The following MPC1 variants were observed in gnomAD, a reference collection of about 807,000 sequenced individuals.
MPC1 encodes the protein mitochondrial pyruvate carrier 1, also known as HSPC040 protein.
Under a neutral mutation model 13.9 loss-of-function variants are expected in MPC1, and 6 were observed. That is an observed-to-expected ratio of 0.43 (90% CI 0.24 to 0.85). The LOEUF is 0.85. Among genes scored for constraint, MPC1 ranks in the 40% least tolerant of loss-of-function variants. The pLI, the probability that MPC1 is intolerant of heterozygous loss-of-function variation, is 0.24. For missense variants in MPC1, 115 were observed against 143.3 expected (o/e 0.80, Z 1.01); for synonymous variants, 47 against 50.5 (o/e 0.93, Z 0.29).
At position 166,382,804 on chromosome 6, in the gene MPC1, A is replaced by C. The variant is rs1457477275; in HGVS notation, c.71+2T>G. 6.3e-7 allele frequency: 1 copy of C among 1,588,236 alleles called. No homozygotes were observed. The highest frequency in any genetic ancestry group is 2.4e-5 in the East Asian group (1 of 42,352). ...CGGGGTTCGGCCTGCGGCGCTCGTC[A>C]CCTCATGAGGTAGTCCCGGAAATCC... On this transcript the variant is annotated splice_donor_variant, in intron 1 of 4. Transcript: ENST00000360961. LOFTEE classifies it high-confidence loss of function.
chr6:166,368,668 T>C (rs904315848), intron 2 of MPC1: 2 of 771,386 alleles, frequency 2.6e-6, no homozygotes, highest in Non-Finnish European at 3.1e-6. Context: ...ATGGCCAGTT[T>C]TCTTTTTTCC....
At chr6:166,373,178 C>T (rs1779442626) in intron 1 of MPC1, among the ~76,000 whole-genome samples, 1 of 152,120 alleles carries the variant, frequency 6.6e-6, no homozygotes, top group Non-Finnish European at 1.5e-5. Flanking sequence ...TCCATATCTA[C>T]ATTAAGGTTC....
rs144045336 is a variant in MPC1 at position 166,379,231 on chromosome 6, T to C, written c.71+3575A>G. Among the ~76,000 whole-genome samples, 8 of 152,328 alleles carry C rather than the reference T, an allele frequency of 5.3e-5. No homozygotes were observed. The East Asian group carries it at 1.3e-3, about 26-fold the overall frequency. On this transcript the variant is annotated intron_variant, in intron 1 of 4. Coordinates refer to ENST00000360961, the MANE Select transcript of MPC1 (RefSeq NM_016098.4). ...TGGATGGGCTGGGCACAGTGGTTCA[T>C]GCCTATAATCCCAGAGCTTTGGGAG...
At chr6:166,369,930 A>G in intron 2 of MPC1, 1 of 555,748 alleles carries the variant, frequency 1.8e-6, no homozygotes, top group Non-Finnish European at 3.3e-6. Flanking sequence ...TTCTTTCTCT[A>G]TTTCCTTTCA....
At chr6:166,375,492 T>C (rs1202429468) in intron 1 of MPC1, among the ~76,000 whole-genome samples, 1 of 151,340 alleles carries the variant, frequency 6.6e-6, no homozygotes, top group Non-Finnish European at 1.5e-5. Context: ...GAGGCTTAGA[T>C]GATTGATTTT....
intron 2 of MPC1, chr6:166,369,348 G>A (rs1779288259): frequency 6.6e-6 from 1 of 152,232 alleles, no homozygotes; most frequent in Non-Finnish European, 1.5e-5. Flanking sequence ...GTTGTAGTGA[G>A]CCAAGATAGT....
In MPC1 at chr6:166,365,268, A is replaced by G. The variant is rs769209608; in HGVS notation, c.*161T>C. 9.8e-6 allele frequency: 5 copies of G among 510,334 alleles called. No individual in the cohort carries two copies. The highest frequency in any genetic ancestry group is 1.6e-5 in the Non-Finnish European group (5 of 308,096). The allele number at this position is 510,334 out of a possible 1,614,324, so 31.6% of individuals were successfully genotyped here. A position where few individuals can be genotyped will look rare whatever the true frequency, so the allele number is the denominator to read the frequency against. On this transcript the variant is annotated 3_prime_UTR_variant, in exon 5 of 5. Transcript: ENST00000360961. The surrounding 1 kb of genome is among the most constrained non-coding windows in gnomAD (Gnocchi z 4.2). ...ATTTAATACTTGTAAGGCAGCAGAG[A>G]GTTGGTTTAGAAACTCTCAGCTATT... is the stretch of plus-strand genomic sequence containing the variant.
intron 2 of MPC1, among the ~76,000 whole-genome samples, chr6:166,368,557 G>GAA (rs11370568): frequency 0.02 from 2,285 of 113,992 alleles, 75 homozygotes; most frequent in African/African-American, 0.063. Flanking sequence ...CCGTCTCAGG[G>GAA]AAAAAAAAAA....
intron 2 of MPC1, chr6:166,368,725 CTACT>C: frequency 1.0e-6 from 1 of 980,724 alleles, no homozygotes; most frequent in South Asian, 4.7e-5. Context: ...TCTCCCTTAC[CTACT>C]TACTTCTTTT....
At chr6:166,368,813 C>G (rs1779268794) in intron 2 of MPC1, 1 of 985,474 alleles carries the variant, frequency 1.0e-6, no homozygotes, top group Non-Finnish European at 1.2e-6. Context: ...TCCTTTTCCT[C>G]CTTTTTTGAC....
At chr6:166,377,883 A>C (rs1271563360) in intron 1 of MPC1, among the ~76,000 whole-genome samples, 1 of 152,258 alleles carries the variant, frequency 6.6e-6, no homozygotes. Context: ...ATGGCAGGGA[A>C]GTGCTCAAAG....
chr6:166,366,051 C>T lies in MPC1; in HGVS notation c.228G>A (p.Arg76=), dbSNP rs769876477. 14 of 1,613,984 alleles carry T rather than the reference C, an allele frequency of 8.7e-6. No homozygotes were observed. The East Asian group carries it at 2.9e-4, about 33-fold the overall frequency. ...CGTGGCATGCAAACAGAAGCCAGTT[C>T]CGAGGCTGTACCTTGTAGGCAAATC... is the stretch of plus-strand genomic sequence containing the variant. ...FMRFAYKVQP[R]NWLLFACHAT... Residue 76 remains arginine (R), a synonymous_variant, in exon 4 of 5, where the codon CGG becomes CGA. Transcript: ENST00000360961.
At chr6:166,381,576 A>G (rs931142386) in intron 1 of MPC1, among the ~76,000 whole-genome samples, 1 of 152,196 alleles carries the variant, frequency 6.6e-6, no homozygotes, top group Admixed American at 6.5e-5. Context: ...ACACTGAAAA[A>G]CTAACTAAAA....
chr6:166,372,828 C>A lies in MPC1; in HGVS notation c.72-2607G>T, dbSNP rs114702642. On this transcript the variant is annotated intron_variant, in intron 1 of 4. Coordinates refer to ENST00000360961, the MANE Select transcript of MPC1 (RefSeq NM_016098.4). ...AATGCAAAACCATTTAGAAAATATT[C>A]TTGATTTTCTCTTTATTTGGTATGC... 6.3e-3 allele frequency among the ~76,000 whole-genome samples: 950 copies of A among 151,780 alleles called. 11 individuals carry two copies. Among genetic ancestry groups the A allele is most frequent in the African/African-American group, 0.022 (912 of 41,378 alleles).
In MPC1 at chr6:166,365,990, G is replaced by A. The variant is rs387907237; in HGVS notation, c.289C>T (p.Arg97Trp). The change falls in exon 4 of 5, where the codon CGG (arginine) becomes TGG (tryptophan). Residue 97 changes from arginine (R) to tryptophan (W), a missense_variant. By Grantham distance (101) the Arg-to-Trp change is moderately radical. Transcript: ENST00000360961. The surrounding 1 kb of genome is among the most constrained non-coding windows in gnomAD (Gnocchi z 4.2). ...NEVAQLIQGG[R>W]LIKHEMTKTA... ...TCTGCTTACTCGTGTTTGATAAGCC[G>A]CCCTCCCTGGATGAGCTGGGCTACT... 4.3e-6 allele frequency: 7 copies of A among 1,612,856 alleles called. No homozygotes were observed. The highest frequency in any genetic ancestry group is 5.1e-6 in the Non-Finnish European group (6 of 1,179,186).
At chr6:166,381,683 G>C in intron 1 of MPC1, 1 of 316,796 alleles carries the variant, frequency 3.2e-6, no homozygotes, top group Non-Finnish European at 4.6e-6. Flanking sequence ...ATAAATTATA[G>C]AAAGTGTATT....
chr6:166,382,595 C>A (rs1343525831), intron 1 of MPC1, among the ~76,000 whole-genome samples: 3 of 152,218 alleles, frequency 2.0e-5, no homozygotes, highest in Non-Finnish European at 4.4e-5. Context: ...CCACTGTCAC[C>A]GGCTCTCTAC....
chr6:166,366,514 T>C (rs1272056199), intron 3 of MPC1, among the ~76,000 whole-genome samples: 2 of 152,196 alleles, frequency 1.3e-5, no homozygotes, highest in Non-Finnish European at 2.9e-5. Context: ...AAGTTCACAA[T>C]ATAAATCATT....
intron 1 of MPC1, 130 bp downstream of exon 1, chr6:166,382,676 G>T (rs925845930): frequency 2.5e-5 from 23 of 931,012 alleles, no homozygotes; most frequent in Non-Finnish European, 1.1e-5. Flanking sequence ...GCACCCTCTC[G>T]CCTGGGCCCC....
Sources: gnomAD v4.1 joint callset for allele counts (sites outside exome capture counted in the v4.1 genomes callset) on GRCh38, gnomAD v4.1.1 for gene constraint, Gnocchi (gnomAD v3.1) non-coding constraint, MANE v1.5 for transcripts, NCBI Gene and HGNC (gene_info 2026-07-23, HGNC 2026-07-21) for gene names.